Variants in AXDND1 observed in about 807,000 individuals in gnomAD.
AXDND1 encodes axonemal dynein light chain domain-containing protein 1.
In AXDND1, 110 loss-of-function variants were observed where a neutral mutation model predicts 137.5. The ratio of observed to expected loss-of-function variants is 0.80; its 90% CI spans 0.69 to 0.94. AXDND1 has a LOEUF of 0.94. Among genes scored for constraint, AXDND1 ranks in the 40% least tolerant of loss-of-function variants. The probability of loss-of-function intolerance (pLI) is 0.00; values close to 1 mark genes in which losing one functional copy is unlikely to be tolerated. For synonymous variants in AXDND1, 414 were observed against 399.7 expected, an observed-to-expected ratio of 1.04 and a Z score of -0.43; for missense variants, 1,191 against 1,169.8, an observed-to-expected ratio of 1.02 and a Z score of -0.26.
chr1:179,462,550 T>G (rs949123012), intron 16 of AXDND1, among the ~76,000 whole-genome samples: 6 of 152,184 alleles, frequency 3.9e-5, no homozygotes, highest in African/African-American at 1.2e-4. Context: ...TCAGGATGAT[T>G]CTGGCCTCAT....
In AXDND1 at chr1:179,533,889, T is replaced by G; in HGVS notation, c.2798+12T>G. ...CAGGAGAAGTTACTGTAAGTATGAG[T>G]CAACACAATGGTAAGAGGATGAAAA... is the stretch of plus-strand genomic sequence containing the variant. On this transcript the variant is annotated intron_variant, in intron 24 of 25. Transcript: ENST00000367618. 1 of 1,605,842 alleles carries G rather than the reference T, an allele frequency of 6.2e-7. No individual in the cohort carries two copies. Among genetic ancestry groups the G allele is most frequent in the Non-Finnish European group, 8.5e-7 (1 of 1,173,004 alleles).
At chr1:179,399,174 C>T (rs968554606) in intron 11 of AXDND1, among the ~76,000 whole-genome samples, 3 of 151,950 alleles carry the variant, frequency 2.0e-5, no homozygotes, top group Non-Finnish European at 2.9e-5. Flanking sequence ...TTAAGAATGT[C>T]GACCTATTTC....
Position 179,478,835 on chromosome 1 carries a change from C to T in AXDND1, c.1998-4293C>T, listed in dbSNP as rs113979294. On this transcript the variant is annotated intron_variant, in intron 17 of 25. Transcript: ENST00000367618. ...GAATACCTGGCTGGGTATGGTGACT[C>T]ATGCCTGTAATCCCAGCATGTTGGG... 3.8e-3 allele frequency among the ~76,000 whole-genome samples: 586 copies of T among 152,314 alleles called. 2 individuals are homozygous for T. The highest frequency in any genetic ancestry group is 0.014 in the Middle Eastern group (4 of 294).
chr1:179,455,910 A>T (rs1245416241), intron 16 of AXDND1: 4 of 209,356 alleles, frequency 1.9e-5, no homozygotes, highest in Non-Finnish European at 3.9e-5. Context: ...TTTATTCAGC[A>T]TCACAATCAG....
intron 25 of AXDND1, chr1:179,552,203 C>G: frequency 4.0e-6 from 1 of 248,324 alleles, no homozygotes; most frequent in Non-Finnish European, 8.0e-6. Flanking sequence ...GGGCCCTGAT[C>G]GTGGTTGTCC....
intron 12 of AXDND1, among the ~76,000 whole-genome samples, chr1:179,425,157 C>T (rs1432384945): frequency 6.6e-6 from 1 of 152,178 alleles, no homozygotes; most frequent in Non-Finnish European, 1.5e-5. Context: ...CTCTGTCTGG[C>T]TTGTTTTATG....
chr1:179,383,692 A>G, intron 8 of AXDND1, 148 bp downstream of exon 8: 1 of 599,398 alleles, frequency 1.7e-6, no homozygotes, highest in Non-Finnish European at 3.0e-6. Flanking sequence ...TCCTCATCTG[A>G]ACTTTGGAGA....
At chr1:179,503,676 G>A (rs1668247636) in intron 20 of AXDND1, among the ~76,000 whole-genome samples, 2 of 151,894 alleles carry the variant, frequency 1.3e-5, no homozygotes, top group Non-Finnish European at 2.9e-5. Context: ...TTAGCATTAG[G>A]TATATTTCCT....
intron 14 of AXDND1, among the ~76,000 whole-genome samples, chr1:179,431,913 TA>T (rs1187996086): frequency 6.6e-6 from 1 of 152,230 alleles, no homozygotes; most frequent in African/African-American, 2.4e-5. Flanking sequence ...TGTTGAGTCT[TA>T]ATCACTGTAA....
At chr1:179,463,950 T>C (rs1290611621) in intron 16 of AXDND1, among the ~76,000 whole-genome samples, 1 of 124,288 alleles carries the variant, frequency 8.0e-6, no homozygotes, top group Admixed American at 8.2e-5. Flanking sequence ...ACCTCTGCTG[T>C]TTTTTTTCCC....
chr1:179,388,665 G>A (rs1649601415), intron 9 of AXDND1, among the ~76,000 whole-genome samples: 1 of 151,536 alleles, frequency 6.6e-6, no homozygotes, highest in African/African-American at 2.4e-5. Context: ...TTGGCTTACT[G>A]CAACCTCTGA....
At chr1:179,422,899 G>T (rs1466403201) in intron 12 of AXDND1, among the ~76,000 whole-genome samples, 2 of 152,080 alleles carry the variant, frequency 1.3e-5, no homozygotes, top group African/African-American at 2.4e-5. Context: ...AAGTAGCTGG[G>T]ATTACAGGTA....
rs757010390 is a variant in AXDND1 at position 179,368,953 on chromosome 1, A to G, written c.251A>G (p.Lys84Arg). ...TGTCCTGAAAACTTACTACCTCCTA[A>G]GAAAATTAAAACCCCAAAGGTTTGT... is the stretch of plus-strand genomic sequence containing the variant. ...GPCPENLLPP[K>R]KIKTPKGTLP... The change falls in exon 3 of 26, where the codon AAG becomes AGG. Residue 84 changes from lysine to arginine, a missense_variant. By Grantham distance (26) the Lys-to-Arg change is conservative. Coordinates refer to ENST00000367618, the MANE Select transcript of AXDND1 (RefSeq NM_144696.6). 1 of 1,612,514 alleles carries G rather than the reference A, an allele frequency of 6.2e-7. No homozygotes were observed. Among genetic ancestry groups the G allele is most frequent in the Non-Finnish European group, 8.5e-7 (1 of 1,179,308 alleles).
At chr1:179,443,275 G>GGGTA (rs1237617678) in intron 15 of AXDND1, among the ~76,000 whole-genome samples, 2 of 152,156 alleles carry the variant, frequency 1.3e-5, no homozygotes, top group Admixed American at 1.3e-4. Context: ...CTATAAGTGA[G>GGGTA]GGTAGTTCAA....
chr1:179,518,435 A>C (rs1425974439), intron 21 of AXDND1, among the ~76,000 whole-genome samples: 3 of 148,836 alleles, frequency 2.0e-5, no homozygotes, highest in Admixed American at 6.7e-5. Flanking sequence ...CAGGTTTGTC[A>C]CAAAGGTAAA....
At chr1:179,473,624 A>G (rs1180786699) in intron 17 of AXDND1, among the ~76,000 whole-genome samples, 2 of 152,092 alleles carry the variant, frequency 1.3e-5, no homozygotes, top group South Asian at 2.1e-4. Context: ...ACATCTCTTA[A>G]TATTTGATAT....
chr1:179,495,251 T>C (rs983530326), intron 20 of AXDND1, among the ~76,000 whole-genome samples: 1 of 152,214 alleles, frequency 6.6e-6, no homozygotes, highest in Non-Finnish European at 1.5e-5. Flanking sequence ...GAGATTTTAA[T>C]TGATATTATA....
intron 17 of AXDND1, among the ~76,000 whole-genome samples, chr1:179,470,054 G>GTACC (rs1403716352): frequency 1.3e-5 from 2 of 152,124 alleles, no homozygotes; most frequent in East Asian, 3.8e-4. Flanking sequence ...ATGTTTAGTT[G>GTACC]TACCAGCACC....
intron 25 of AXDND1, among the ~76,000 whole-genome samples, chr1:179,553,872 A>G (rs1165703413): frequency 2.7e-5 from 4 of 150,186 alleles, no homozygotes; most frequent in African/African-American, 9.8e-5. Context: ...CAGCCTCCTG[A>G]GTAGCTGGGA....
Sources: allele counts gnomAD v4.1 joint callset (sites outside exome capture counted in the v4.1 genomes callset), GRCh38; gene constraint gnomAD v4.1.1; transcripts MANE v1.5; gene names NCBI Gene and HGNC (gene_info 2026-07-23, HGNC 2026-07-21).